The following MSRA variants were observed in gnomAD, a reference collection of about 807,000 sequenced individuals.
MSRA encodes the protein methionine sulfoxide reductase A.
MSRA carries 54 observed loss-of-function variants against 31.3 expected under a neutral mutation model. The ratio of observed to expected loss-of-function variants is 1.73; its 90% confidence interval spans 1.39 to 2.17. The LOEUF (loss-of-function observed/expected upper bound fraction) is 2.17. MSRA is among the 30% of genes most tolerant of loss of function. MSRA has a pLI of 0.00. For synonymous variants in MSRA, 169 were observed against 116.5 expected, an observed-to-expected ratio of 1.45 and a Z score of -2.90; for missense variants, 507 against 300.9, an observed-to-expected ratio of 1.69 and a Z score of -5.07.
At chr8:10,116,300 A>G (rs947380157) in intron 1 of MSRA, among the ~76,000 whole-genome samples, 3 of 152,198 alleles carry the variant, frequency 2.0e-5, no homozygotes, top group African/African-American at 7.2e-5. Context: ...AGTGTATTTT[A>G]TATGTGGCCC....
At chr8:10,293,778 C>G (rs1019442960) in intron 3 of MSRA, among the ~76,000 whole-genome samples, 14 of 152,088 alleles carry the variant, frequency 9.2e-5, no homozygotes, top group Admixed American at 5.2e-4. Context: ...TCCTTGCCCT[C>G]TGGGGCTCCT....
intron 3 of MSRA, among the ~76,000 whole-genome samples, chr8:10,257,882 G>A (rs145167296): frequency 3.8e-4 from 58 of 152,284 alleles, no homozygotes; most frequent in African/African-American, 1.3e-3. Context: ...CCAGGTCAGC[G>A]CAGCAGAGAG....
At chr8:10,300,531 C>T (rs887254001) in intron 3 of MSRA, among the ~76,000 whole-genome samples, 3 of 152,148 alleles carry the variant, frequency 2.0e-5, no homozygotes, top group Admixed American at 6.5e-5. Flanking sequence ...GCTGGGATTA[C>T]AGGCATCCAC....
intron 3 of MSRA, among the ~76,000 whole-genome samples, chr8:10,269,872 C>G (rs1016173264): frequency 1.3e-5 from 2 of 152,010 alleles, no homozygotes; most frequent in Non-Finnish European, 2.9e-5. Flanking sequence ...AGGATGGTCT[C>G]GATCTCCTGA....
chr8:10,264,545 C>T (rs1004170022), intron 3 of MSRA, among the ~76,000 whole-genome samples: 3 of 152,216 alleles, frequency 2.0e-5, no homozygotes, highest in African/African-American at 7.2e-5. Context: ...GGCAAAGCTG[C>T]TCCCAGTGGA....
intron 5 of MSRA, among the ~76,000 whole-genome samples, chr8:10,405,383 G>C (rs745744507): frequency 1.4e-4 from 22 of 152,190 alleles, no homozygotes; most frequent in Non-Finnish European, 2.9e-4. Context: ...AGCCAGATGA[G>C]GGGACATCTG....
intron 4 of MSRA, among the ~76,000 whole-genome samples, chr8:10,310,462 C>T (rs1285183505): frequency 6.6e-6 from 1 of 152,200 alleles, no homozygotes; most frequent in Non-Finnish European, 1.5e-5. Flanking sequence ...TTAAATCCTT[C>T]TGTCATATAA....
At chr8:10,305,224 G>T (rs962466393) in intron 4 of MSRA, among the ~76,000 whole-genome samples, 9 of 152,138 alleles carry the variant, frequency 5.9e-5, no homozygotes, top group Non-Finnish European at 1.3e-4. Flanking sequence ...TGATGTCAAT[G>T]GTCTTACTGT....
intron 1 of MSRA, among the ~76,000 whole-genome samples, chr8:10,070,507 CTT>C (rs1415376877): frequency 6.6e-6 from 1 of 152,226 alleles, no homozygotes; most frequent in Non-Finnish European, 1.5e-5. Context: ...CTGTTGTACT[CTT>C]TGCCTGGTTT....
At chr8:10,410,097 G>T (rs1278793374) in intron 5 of MSRA, among the ~76,000 whole-genome samples, 1 of 152,186 alleles carries the variant, frequency 6.6e-6, no homozygotes, top group Admixed American at 6.5e-5. Flanking sequence ...GCAAGTCAAA[G>T]GAAAAAGATG....
chr8:10,194,373 C>G (rs952368570), intron 1 of MSRA, among the ~76,000 whole-genome samples: 3 of 152,110 alleles, frequency 2.0e-5, no homozygotes, highest in Non-Finnish European at 4.4e-5. Context: ...TTGAGGCCAG[C>G]CTGTTCAACA....
chr8:10,317,909 C>T (rs1801819176), intron 4 of MSRA, among the ~76,000 whole-genome samples: 1 of 152,078 alleles, frequency 6.6e-6, no homozygotes, highest in South Asian at 2.1e-4. Flanking sequence ...ATCTCTGGTC[C>T]CCACCGTGAC....
chr8:10,258,688 T>C (rs1423211311), intron 3 of MSRA, among the ~76,000 whole-genome samples: 1 of 152,244 alleles, frequency 6.6e-6, no homozygotes, highest in Non-Finnish European at 1.5e-5. Flanking sequence ...AGTTCTGAAC[T>C]ATAGCTCCCT....
chr8:10,253,664 A>G (rs1798029785), intron 3 of MSRA, among the ~76,000 whole-genome samples: 1 of 152,204 alleles, frequency 6.6e-6, no homozygotes, highest in Non-Finnish European at 1.5e-5. Context: ...ATAATTGCAA[A>G]AGCAGTTGAT....
chr8:10,265,539 A>T (rs1798701986), intron 3 of MSRA, among the ~76,000 whole-genome samples: 1 of 152,252 alleles, frequency 6.6e-6, no homozygotes, highest in Non-Finnish European at 1.5e-5. Context: ...GCTAGCCCAT[A>T]GCAGGGACTA....
intron 1 of MSRA, among the ~76,000 whole-genome samples, chr8:10,147,880 C>T (rs570452547): frequency 3.0e-4 from 45 of 152,294 alleles, no homozygotes; most frequent in Middle Eastern, 3.4e-3. Context: ...GCAGAGACCC[C>T]GGACCACAAC....
chr8:10,387,062 T>C lies in MSRA; in HGVS notation c.544-41086T>C, dbSNP rs565084697. On this transcript the variant is annotated intron_variant, in intron 5 of 5. Transcript: ENST00000317173. ...CCAGGGTGGGGCCTGAGCTTCTGCA[T>C]TTCTGACAAGCTCCAGAGGCAGCTG... Among the ~76,000 whole-genome samples, 12 of 152,250 alleles carry C rather than the reference T, an allele frequency of 7.9e-5. No homozygotes were observed. The South Asian group carries it at 2.5e-3, about 32-fold the overall frequency.
At chr8:10,080,556 C>A (rs1032336825) in intron 1 of MSRA, among the ~76,000 whole-genome samples, 29 of 152,058 alleles carry the variant, frequency 1.9e-4, no homozygotes, top group African/African-American at 6.5e-4. Context: ...GAGAAGGTCT[C>A]ACTCTGGAGT....
chr8:10,244,933 C>A (rs916153577), intron 2 of MSRA, among the ~76,000 whole-genome samples, 171 bp from the exon 3 acceptor site: 1 of 151,922 alleles, frequency 6.6e-6, no homozygotes, highest in Non-Finnish European at 1.5e-5. Flanking sequence ...AAATTATTTA[C>A]CAATGTTAAG....
Sources: gnomAD v4.1 joint callset for allele counts (sites outside exome capture counted in the v4.1 genomes callset) on GRCh38, gnomAD v4.1.1 for gene constraint, MANE v1.5 for transcripts, NCBI Gene and HGNC (gene_info 2026-07-23, HGNC 2026-07-21) for gene names.